AUH: variants seen among roughly 807,000 people sequenced by gnomAD.
AUH encodes the protein AU RNA binding methylglutaconyl-CoA hydratase.
A neutral mutation model predicts 42.3 loss-of-function variants in AUH; 29 were observed. The observed-to-expected ratio is 0.69, with a 90% CI of 0.51 to 0.93. The LOEUF is 0.93. AUH is among the 40% of genes least tolerant of loss of function. The pLI, the probability that AUH is intolerant of heterozygous loss-of-function variation, is 0.00. For synonymous variants in AUH, 174 were observed against 166.4 expected, an observed-to-expected ratio of 1.05 and a Z score of -0.35; for missense variants, 452 against 438.1, an observed-to-expected ratio of 1.03 and a Z score of -0.28.
At chr9:91,268,983 C>T (rs997695273) in intron 6 of AUH, among the ~76,000 whole-genome samples, 3 of 144,524 alleles carry the variant, frequency 2.1e-5, no homozygotes, top group Non-Finnish European at 4.6e-5. Context: ...ATAATTAACA[C>T]TTTCTTTTTT....
chr9:91,261,829 T>G (rs1829722077), intron 6 of AUH, among the ~76,000 whole-genome samples: 1 of 152,172 alleles, frequency 6.6e-6, no homozygotes, highest in Non-Finnish European at 1.5e-5. Context: ...TTTGCCCAAT[T>G]CTCTAGTAAT....
chr9:91,325,542 T>G, intron 3 of AUH, 138 bp from the exon 4 acceptor site: 1 of 725,712 alleles, frequency 1.4e-6, no homozygotes, highest in Admixed American at 2.1e-5. Flanking sequence ...ATTACCTCAG[T>G]TTTCCTTCCC....
At chr9:91,347,215 TG>T (rs1265775290) in intron 3 of AUH, among the ~76,000 whole-genome samples, 1 of 22,056 alleles carries the variant, frequency 4.5e-5, no homozygotes, top group Non-Finnish European at 2.2e-4. Flanking sequence ...GAGGGTTTTT[TG>T]TTTGTTTGTT....
chr9:91,324,860 A>AG (rs1018945612), intron 4 of AUH, among the ~76,000 whole-genome samples: 8 of 152,172 alleles, frequency 5.3e-5, no homozygotes, highest in African/African-American at 1.9e-4. Context: ...ACATAAACAG[A>AG]GGAAAAAAAT....
chr9:91,254,251 T>C (rs779065339), intron 6 of AUH, among the ~76,000 whole-genome samples: 1 of 152,070 alleles, frequency 6.6e-6, no homozygotes, highest in Admixed American at 6.6e-5. Flanking sequence ...ATAAAGGTAA[T>C]GTAAGAGGAT....
At chr9:91,232,663 G>A (rs1051850945) in intron 6 of AUH, among the ~76,000 whole-genome samples, 6 of 152,184 alleles carry the variant, frequency 3.9e-5, no homozygotes, top group African/African-American at 9.7e-5. Flanking sequence ...GAAAGAAAGC[G>A]CCTTGGCCAC....
chr9:91,308,242 T>C (rs901122918), intron 4 of AUH, among the ~76,000 whole-genome samples: 10 of 152,174 alleles, frequency 6.6e-5, no homozygotes, highest in Non-Finnish European at 1.5e-5. Flanking sequence ...GACTGAGTAG[T>C]CCTAGCTACT....
intron 4 of AUH, among the ~76,000 whole-genome samples, chr9:91,310,446 A>G (rs761456696): frequency 3.9e-5 from 6 of 152,232 alleles, no homozygotes; most frequent in Non-Finnish European, 1.5e-5. Context: ...GCTCATTACT[A>G]GACACTAGGT....
At chr9:91,358,981 G>T (rs893948034) in intron 1 of AUH, among the ~76,000 whole-genome samples, 1 of 152,026 alleles carries the variant, frequency 6.6e-6, no homozygotes, top group Non-Finnish European at 1.5e-5. Context: ...CACTTCTCAA[G>T]AACTCAATTA....
chr9:91,343,274 C>T (rs1229084658), intron 3 of AUH: 4 of 152,040 alleles, frequency 2.6e-5, no homozygotes. Context: ...ATCTAAACTT[C>T]CACCTTAGGA....
chr9:91,357,604 T>A, intron 1 of AUH: 3 of 655,626 alleles, frequency 4.6e-6, no homozygotes, highest in Non-Finnish European at 5.7e-6. Flanking sequence ...TTACAAGCTG[T>A]AAGTGGTGCT....
At chr9:91,269,773 T>C (rs1278267998) in intron 6 of AUH, among the ~76,000 whole-genome samples, 3 of 152,340 alleles carry the variant, frequency 2.0e-5, no homozygotes, top group South Asian at 2.1e-4. Flanking sequence ...ACACACAGCA[T>C]CCAGTCACCA....
intron 6 of AUH, among the ~76,000 whole-genome samples, chr9:91,267,254 A>G (rs1830024580): frequency 1.3e-5 from 2 of 152,252 alleles, no homozygotes; most frequent in Admixed American, 6.5e-5. Context: ...AAACTTTGCA[A>G]TACAGATACT....
At chr9:91,349,666 A>G (rs1251486046) in intron 3 of AUH, among the ~76,000 whole-genome samples, 3 of 129,980 alleles carry the variant, frequency 2.3e-5, no homozygotes, top group Non-Finnish European at 3.2e-5. Flanking sequence ...TGTGTATGTA[A>G]GGCAGAGAGA....
At chr9:91,307,890 G>A (rs1828353992) in intron 4 of AUH, among the ~76,000 whole-genome samples, 1 of 152,022 alleles carries the variant, frequency 6.6e-6, no homozygotes, top group African/African-American at 2.4e-5. Flanking sequence ...AAAAAGGGTG[G>A]GAGAAGAGAA....
chr9:91,287,325 A>C (rs779242117), intron 6 of AUH, among the ~76,000 whole-genome samples: 1 of 152,174 alleles, frequency 6.6e-6, no homozygotes, highest in Non-Finnish European at 1.5e-5. Flanking sequence ...AAGATGATTA[A>C]ATACAAATTT....
At chr9:91,266,843 T>C (rs1000211979) in intron 6 of AUH, among the ~76,000 whole-genome samples, 1 of 152,212 alleles carries the variant, frequency 6.6e-6, no homozygotes, top group African/African-American at 2.4e-5. Flanking sequence ...TATGTATAGT[T>C]GAACATAAAC....
intron 4 of AUH, among the ~76,000 whole-genome samples, chr9:91,302,819 A>G (rs1238971806): frequency 6.6e-6 from 1 of 152,224 alleles, no homozygotes; most frequent in Non-Finnish European, 1.5e-5. Context: ...TCAATAAAAT[A>G]CACCTTTAGA....
At chr9:91,336,051 C>A (rs552200494) in intron 3 of AUH, among the ~76,000 whole-genome samples, 1 of 152,032 alleles carries the variant, frequency 6.6e-6, no homozygotes, top group Admixed American at 6.6e-5. Flanking sequence ...TCAGCTGGGG[C>A]CAATGGACTC....
Sources: gnomAD v4.1 joint callset for allele counts (sites outside exome capture counted in the v4.1 genomes callset) on GRCh38, gnomAD v4.1.1 for gene constraint, MANE v1.5 for transcripts, NCBI Gene and HGNC (gene_info 2026-07-23, HGNC 2026-07-21) for gene names.